Variants in FILIP1 observed in about 807,000 individuals in gnomAD.
The protein encoded by FILIP1 is filamin A interacting protein 1, also known as filamin-A-interacting protein 1.
In FILIP1, 61 loss-of-function variants were observed where a neutral mutation model predicts 102.1. The ratio of observed to expected loss-of-function variants is 0.60; its 90% CI spans 0.49 to 0.74. The LOEUF (loss-of-function observed/expected upper bound fraction) is 0.74, where lower values mean the gene tolerates loss of function less well. FILIP1 is among the 30% of genes least tolerant of loss of function. FILIP1 has a pLI of 0.00. For synonymous variants in FILIP1, 491 were observed against 526.9 expected, an observed-to-expected ratio of 0.93 and a Z score of 0.93; for missense variants, 1,314 against 1,441.2, an observed-to-expected ratio of 0.91 and a Z score of 1.43.
At chr6:75,377,386 T>C (rs1775782076) in intron 2 of FILIP1, among the ~76,000 whole-genome samples, 1 of 152,216 alleles carries the variant, frequency 6.6e-6, no homozygotes, top group African/African-American at 2.4e-5. Flanking sequence ...TTTCAATATA[T>C]TGGACCAGAG....
chr6:75,300,930 C>A (rs935350740), intron 6 of FILIP1, among the ~76,000 whole-genome samples: 10 of 152,170 alleles, frequency 6.6e-5, no homozygotes, highest in Non-Finnish European at 1.5e-4. Context: ...CAAGCTAATT[C>A]TTATCTCCAG....
rs551697565 is a variant in FILIP1 at position 75,393,590 on chromosome 6, A to C, written c.276+21107T>G. On this transcript the variant is annotated intron_variant, in intron 2 of 5. Transcript: ENST00000237172. ...GCATGGAACATGGAATAGTTGGATA[A>C]ATCTTTGGAGTAAACTAGAAAACCC... is the stretch of plus-strand genomic sequence containing the variant. Among the ~76,000 whole-genome samples, 6 of 152,338 alleles carry C rather than the reference A, an allele frequency of 3.9e-5. No homozygotes were observed. The East Asian group carries it at 1.2e-3, about 29-fold the overall frequency.
chr6:75,305,240 A>G (rs1457180703), downstream of FILIP1, among the ~76,000 whole-genome samples: 2 of 152,202 alleles, frequency 1.3e-5, no homozygotes, highest in Non-Finnish European at 1.5e-5. Flanking sequence ...CCAGCCTCCA[A>G]TATAAATGTG....
intron 4 of FILIP1, among the ~76,000 whole-genome samples, chr6:75,345,856 A>G (rs906256457): frequency 1.8e-4 from 27 of 152,044 alleles, no homozygotes; most frequent in Admixed American, 5.2e-4. Context: ...AAGATGAGGA[A>G]CCCCGGGTAT....
At chr6:75,415,533 GAA>G (rs34828375) in intron 1 of FILIP1, among the ~76,000 whole-genome samples, 853 of 78,740 alleles carry the variant, frequency 0.011, 3 homozygotes, top group Middle Eastern at 0.04. Context: ...TCACAGTGTG[GAA>G]AAAAAAAAAA....
chr6:75,441,856 C>A (rs372513381), intron 1 of FILIP1, among the ~76,000 whole-genome samples: 50,152 of 140,264 alleles, frequency 0.36, 8,974 homozygotes, highest in Non-Finnish European at 0.45. Context: ...CACCTCCCTC[C>A]CGGACGGGGC....
At chr6:75,447,183 G>A (rs1475182363) in intron 1 of FILIP1, among the ~76,000 whole-genome samples, 1 of 152,116 alleles carries the variant, frequency 6.6e-6, no homozygotes, top group Admixed American at 6.6e-5. Context: ...AACAAAGTTT[G>A]AGTGCAAGTA....
chr6:75,407,711 T>G (rs1776923192), intron 2 of FILIP1, among the ~76,000 whole-genome samples: 1 of 152,182 alleles, frequency 6.6e-6, no homozygotes, highest in Non-Finnish European at 1.5e-5. Context: ...TAGTTTACTC[T>G]GTGCCTCCTT....
At chr6:75,298,238 C>G (rs12523840) in intron 6 of FILIP1, among the ~76,000 whole-genome samples, 11 of 152,308 alleles carry the variant, frequency 7.2e-5, no homozygotes, top group Middle Eastern at 3.4e-3. Flanking sequence ...ACTCATAATC[C>G]ATGCATCCTA....
chr6:75,466,582 T>C (rs1779172224), intron 1 of FILIP1, among the ~76,000 whole-genome samples: 1 of 152,222 alleles, frequency 6.6e-6, no homozygotes. Flanking sequence ...TATTCTGTCT[T>C]CTGTTAGACC....
intron 1 of FILIP1, among the ~76,000 whole-genome samples, chr6:75,489,153 T>C (rs1036590004): frequency 6.6e-6 from 1 of 152,138 alleles, no homozygotes; most frequent in African/African-American, 2.4e-5. Context: ...GCACTGTGTA[T>C]AAACACACTT....
At chr6:75,436,917 CATG>C (rs1778044673) in intron 1 of FILIP1, among the ~76,000 whole-genome samples, 3 of 152,172 alleles carry the variant, frequency 2.0e-5, no homozygotes, top group Non-Finnish European at 4.4e-5. Context: ...AAGCTACCAG[CATG>C]ACATTACTGA....
chr6:75,423,574 A>G (rs974073598), intron 1 of FILIP1, among the ~76,000 whole-genome samples: 2 of 152,180 alleles, frequency 1.3e-5, no homozygotes, highest in Non-Finnish European at 2.9e-5. Flanking sequence ...ACATATGCTT[A>G]GCAAATCGAT....
At chr6:75,332,743 C>T (rs1324261588) in intron 4 of FILIP1, among the ~76,000 whole-genome samples, 4 of 152,192 alleles carry the variant, frequency 2.6e-5, no homozygotes, top group Non-Finnish European at 5.9e-5. Flanking sequence ...TCTCCTTCCA[C>T]ATACACCTCC....
Position 75,465,469 on chromosome 6 carries a change from T to G in FILIP1, c.-7+27945A>C, listed in dbSNP as rs1474958552. ...ATCAATGCTAGCAAAATGGCAGAAT[T>G]CATATAGCATCAAAGTTGTCCTGCA... On this transcript the variant is annotated intron_variant, in intron 1 of 5. Transcript: ENST00000237172. The G allele has an allele frequency of 6.2e-6, 6 of 967,806 alleles. No homozygotes were observed. The African/African-American group carries it at 9.8e-5, about 16-fold the overall frequency. The allele number at this position is 967,806 out of a possible 1,614,324, so 60.0% of individuals were successfully genotyped here.
intron 1 of FILIP1, among the ~76,000 whole-genome samples, chr6:75,460,966 T>C (rs1779005317): frequency 6.6e-6 from 1 of 152,190 alleles, no homozygotes; most frequent in South Asian, 2.1e-4. Flanking sequence ...AATTTTTCTG[T>C]AGCTAACATA....
chr6:75,309,694 C>T (rs1330290408), intron 5 of FILIP1, among the ~76,000 whole-genome samples: 1 of 152,150 alleles, frequency 6.6e-6, no homozygotes, highest in Non-Finnish European at 1.5e-5. Flanking sequence ...CATTACTTAT[C>T]CTCTCTCCTA....
In FILIP1 at chr6:75,433,052, C is replaced by T. The variant is rs151150295; in HGVS notation, c.-6-18074G>A. Among the ~76,000 whole-genome samples, 1,462 of 152,238 alleles carry T rather than the reference C, an allele frequency of 9.6e-3. 26 individuals are homozygous for T. Among genetic ancestry groups the T allele is most frequent in the African/African-American group, 0.034 (1,396 of 41,522 alleles). On this transcript the variant is annotated intron_variant, in intron 1 of 5. Coordinates refer to ENST00000237172, the MANE Select transcript of FILIP1 (RefSeq NM_015687.5). ...ATAGTATTCCATGGTGTATATGTGC[C>T]ACATTTTCTTAATCCAGTCTATCAC...
intron 1 of FILIP1, among the ~76,000 whole-genome samples, chr6:75,450,384 C>T (rs1176617666): frequency 2.6e-5 from 4 of 152,050 alleles, no homozygotes; most frequent in East Asian, 1.9e-4. Flanking sequence ...TGAAGTGTCT[C>T]GCACCGGTAA....
Sources: allele counts gnomAD v4.1 joint callset (sites outside exome capture counted in the v4.1 genomes callset), GRCh38; gene constraint gnomAD v4.1.1; transcripts MANE v1.5; gene names NCBI Gene and HGNC (gene_info 2026-07-23, HGNC 2026-07-21).